The following CCDC178 variants were observed in gnomAD, a reference collection of about 807,000 sequenced individuals.
CCDC178 encodes coiled-coil domain-containing protein 178.
CCDC178 carries 126 observed loss-of-function variants against 117.4 expected under a neutral mutation model. The ratio of observed to expected loss-of-function variants is 1.07; its 90% CI spans 0.93 to 1.24. CCDC178 has a LOEUF of 1.24. CCDC178 is among the 50% of genes most tolerant of loss of function. CCDC178 has a pLI of 0.00. For synonymous variants in CCDC178, 283 were observed against 313.4 expected (o/e 0.90, Z 1.02); for missense variants, 1,030 against 986.9 (o/e 1.04, Z -0.59).
At chr18:33,320,498 T>A (rs981872653) in intron 11 of CCDC178, among the ~76,000 whole-genome samples, 5 of 152,076 alleles carry the variant, frequency 3.3e-5, no homozygotes, top group African/African-American at 1.2e-4. Flanking sequence ...TCACAATTGC[T>A]TCAAAGAGAA....
chr18:33,295,517 C>T (rs1459396385), intron 11 of CCDC178, among the ~76,000 whole-genome samples: 3 of 152,014 alleles, frequency 2.0e-5, no homozygotes, highest in Non-Finnish European at 4.4e-5. Context: ...TTTACTAAAA[C>T]ATAGAATATA....
rs1555656270 is a variant in CCDC178 at position 33,179,078 on chromosome 18, AATATATATATAT to A, written c.2238+32806_2238+32817del. On this transcript the variant is annotated intron_variant, in intron 20 of 22. Coordinates refer to ENST00000383096, the MANE Select transcript of CCDC178 (RefSeq NM_001105528.4). ...ACTCAGTAAAAAAAAAAAAAAAAAAAATATATATATATATATATATATATATATATAAACTAT... is the reference window on the plus strand; with the variant it reads ...ACTCAGTAAAAAAAAAAAAAAAAAAAATATATATATATATATATAAACTAT... Among the ~76,000 whole-genome samples the A allele has an allele frequency of 5.4e-5, 3 of 55,824 alleles. No homozygotes were observed. In the East Asian group the frequency reaches 1.5e-3, roughly 28 times the overall value. The allele number at this position is 55,824 out of a possible 152,430, so 36.6% of individuals were successfully genotyped here.
chr18:32,995,905 T>TTATCTATATCTATATCTA (rs139781630), intron 21 of CCDC178, among the ~76,000 whole-genome samples: 2,452 of 145,690 alleles, frequency 0.017, 27 homozygotes, highest in South Asian at 0.02. Flanking sequence ...TCCTACAATT[T>TTATCTATATCTATATCTA]TATCTATATC....
intron 6 of CCDC178, among the ~76,000 whole-genome samples, chr18:33,366,852 A>G (rs1433969400): frequency 1.3e-5 from 2 of 152,036 alleles, no homozygotes; most frequent in African/African-American, 4.8e-5. Flanking sequence ...ACTGTAGGTG[A>G]TGAATGAATA....
intron 18 of CCDC178, among the ~76,000 whole-genome samples, chr18:33,218,423 T>C (rs1280696017): frequency 6.6e-6 from 1 of 152,178 alleles, no homozygotes. Context: ...CTGATGGTAG[T>C]TTCTTTTGCT....
chr18:33,024,793 G>T (rs951566695), intron 21 of CCDC178, among the ~76,000 whole-genome samples: 2 of 144,870 alleles, frequency 1.4e-5, no homozygotes, highest in Non-Finnish European at 3.0e-5. Context: ...ACAGGTGCCT[G>T]CTACCATGCT....
chr18:33,279,203 A>T (rs1012991441), intron 12 of CCDC178, among the ~76,000 whole-genome samples: 1 of 152,170 alleles, frequency 6.6e-6, no homozygotes, highest in Non-Finnish European at 1.5e-5. Flanking sequence ...TATCTAGAAA[A>T]CCCCACTGTC....
At chr18:33,109,452 G>A (rs187762176) in intron 20 of CCDC178, among the ~76,000 whole-genome samples, 5 of 151,702 alleles carry the variant, frequency 3.3e-5, no homozygotes, top group East Asian at 2.0e-4. Context: ...GGTTGTGGTC[G>A]ATGGGTTTTC....
At chr18:33,250,059 T>TCGC (rs2059601429) in intron 14 of CCDC178, among the ~76,000 whole-genome samples, 2 of 151,698 alleles carry the variant, frequency 1.3e-5, no homozygotes, top group African/African-American at 4.8e-5. Flanking sequence ...CATGATTTGG[T>TCGC]TCTCTCTTTA....
At chr18:33,079,450 T>C (rs928809599) in intron 21 of CCDC178, among the ~76,000 whole-genome samples, 1 of 152,114 alleles carries the variant, frequency 6.6e-6, no homozygotes, top group African/African-American at 2.4e-5. Context: ...ACCAAACAGC[T>C]TATGCACAGC....
intron 11 of CCDC178, among the ~76,000 whole-genome samples, chr18:33,299,631 A>G (rs894017144): frequency 6.6e-6 from 1 of 152,082 alleles, no homozygotes; most frequent in Non-Finnish European, 1.5e-5. Context: ...AAATGGGATA[A>G]TATCAAACTA....
chr18:33,413,750 G>C (rs1243765553), intron 2 of CCDC178, among the ~76,000 whole-genome samples: 1 of 152,166 alleles, frequency 6.6e-6, no homozygotes, highest in African/African-American at 2.4e-5. Flanking sequence ...GGCAGTACTT[G>C]TGAGGGCCAC....
chr18:33,118,072 T>C (rs568709514), intron 20 of CCDC178, among the ~76,000 whole-genome samples: 1 of 152,218 alleles, frequency 6.6e-6, no homozygotes, highest in Non-Finnish European at 1.5e-5. Flanking sequence ...AGCATTTTTT[T>C]CTGACTAGTG....
At chr18:33,084,888 T>C (rs917054443) in intron 21 of CCDC178, among the ~76,000 whole-genome samples, 5 of 152,150 alleles carry the variant, frequency 3.3e-5, no homozygotes, top group Admixed American at 3.3e-4. Context: ...CCCTCATGCC[T>C]GGTCTTATAC....
intron 21 of CCDC178, among the ~76,000 whole-genome samples, chr18:33,089,376 A>G (rs1459422282): frequency 1.3e-5 from 2 of 152,142 alleles, no homozygotes; most frequent in African/African-American, 4.8e-5. Context: ...ACTCAATGTT[A>G]GTTCTATATC....
At chr18:33,284,603 T>C (rs1423736478) in intron 12 of CCDC178, among the ~76,000 whole-genome samples, 1 of 152,182 alleles carries the variant, frequency 6.6e-6, no homozygotes, top group Non-Finnish European at 1.5e-5. Flanking sequence ...GTTCAATATC[T>C]TCTATTCGCT....
At chr18:33,272,627 A>G (rs1432825920) in intron 12 of CCDC178, among the ~76,000 whole-genome samples, 1 of 151,640 alleles carries the variant, frequency 6.6e-6, no homozygotes, top group Non-Finnish European at 1.5e-5. Flanking sequence ...ATCTCTTGTG[A>G]ATTTAGACAC....
intron 21 of CCDC178, among the ~76,000 whole-genome samples, chr18:33,070,443 A>T (rs1022788090): frequency 1.3e-5 from 2 of 152,086 alleles, no homozygotes; most frequent in African/African-American, 4.8e-5. Context: ...GCATGTTCTT[A>T]CTCATATGTG....
chr18:33,187,404 A>T (rs2058810108), intron 20 of CCDC178, among the ~76,000 whole-genome samples: 1 of 152,018 alleles, frequency 6.6e-6, no homozygotes, highest in African/African-American at 2.4e-5. Flanking sequence ...CTGACGAAGG[A>T]AGTTACTCTC....
Sources: allele counts gnomAD v4.1 joint callset (sites outside exome capture counted in the v4.1 genomes callset), GRCh38; gene constraint gnomAD v4.1.1; transcripts MANE v1.5; gene names NCBI Gene and HGNC (gene_info 2026-07-23, HGNC 2026-07-21).